RBFOX1: variants seen among roughly 807,000 people sequenced by gnomAD.
The protein encoded by RBFOX1 is RNA binding protein fox-1 homolog 1.
RBFOX1 carries 8 observed loss-of-function variants against 57.7 expected under a neutral mutation model. The observed-to-expected ratio is 0.14, with a 90% CI of 0.08 to 0.25. RBFOX1 has a LOEUF of 0.25. RBFOX1 is among the 10% of genes least tolerant of loss of function. The probability of loss-of-function intolerance (pLI) is 1.00; values close to 1 mark genes in which losing one functional copy is unlikely to be tolerated. For synonymous variants in RBFOX1, 326 were observed against 222.4 expected (o/e 1.47, Z -4.15); for missense variants, 611 against 548.5 (o/e 1.11, Z -1.14).
In RBFOX1 at chr16:6,019,792, C is replaced by G. The variant is rs186572411; in HGVS notation, c.-327C>G. 3 of 1,476,412 alleles carry G rather than the reference C, an allele frequency of 2.0e-6. No homozygotes were observed. Among genetic ancestry groups the G allele is most frequent in the Non-Finnish European group, 2.7e-6 (3 of 1,112,184 alleles). 91.5% of individuals were successfully genotyped at this position (1,476,412 alleles called of 1,614,324 possible). A position where few individuals can be genotyped will look rare whatever the true frequency, so the allele number is the denominator to read the frequency against. On this transcript the variant is annotated 5_prime_UTR_variant, in exon 1 of 16. Transcript: ENST00000550418. The surrounding 1 kb of genome is among the most constrained non-coding windows in gnomAD (Gnocchi z 4.2). Reference sequence around the variant, plus strand: ...GTGGCCGCCAGGGTCCCCGCCTGTCCGGACCCTCGCCGCGCCCAGGCAGGC... The same window carrying G: ...GTGGCCGCCAGGGTCCCCGCCTGTCGGGACCCTCGCCGCGCCCAGGCAGGC...
At chr16:5,924,945 C>T (rs561501676) in intron 4 of RBFOX1, among the ~76,000 whole-genome samples, 4 of 152,286 alleles carry the variant, frequency 2.6e-5, no homozygotes, top group South Asian at 2.1e-4. Flanking sequence ...AACCACAATA[C>T]AGTGCCCTAA....
intron 3 of RBFOX1, among the ~76,000 whole-genome samples, chr16:5,738,305 A>G (rs2052651765): frequency 6.6e-6 from 1 of 151,938 alleles, no homozygotes; most frequent in African/African-American, 2.4e-5. Context: ...TTAGGTATAT[A>G]TCAACAACGC....
rs182859898 is a variant in RBFOX1 at position 6,983,434 on chromosome 16, C to T, written c.-15-68623C>T. Among the ~76,000 whole-genome samples the T allele has an allele frequency of 8.6e-3, 1,271 of 148,562 alleles. 32 individuals carry two copies. Among genetic ancestry groups the T allele is most frequent in the African/African-American group, 0.03 (1,209 of 40,214 alleles). On this transcript the variant is annotated intron_variant, in intron 3 of 15. Transcript: ENST00000550418. ...AATTATCTATTTGCTGCTTCTGGTC[C>T]GCCGACTTGCTGGCTTTTTTTTTTT...
chr16:7,658,747 T>C lies in RBFOX1; in HGVS notation c.890+4800T>C, dbSNP rs1024841531. 3.3e-5 allele frequency among the ~76,000 whole-genome samples: 5 copies of C among 152,198 alleles called. No homozygotes were observed. In the East Asian group the frequency reaches 7.7e-4, roughly 23 times the overall value. ...AGCATCACATGAGTTATTTTTGAGA[T>C]GGAGTCTTGCTCTGTCACCCAGGCT... On this transcript the variant is annotated intron_variant, in intron 12 of 15. Transcript: ENST00000550418.
At chr16:6,580,243 C>T (rs2097517145) in intron 2 of RBFOX1, among the ~76,000 whole-genome samples, 2 of 152,184 alleles carry the variant, frequency 1.3e-5, no homozygotes, top group South Asian at 4.1e-4. Flanking sequence ...AGGCATGAGC[C>T]ACCATGCCCG....
intron 4 of RBFOX1, among the ~76,000 whole-genome samples, chr16:7,117,353 G>A (rs8046633): frequency 0.53 from 81,192 of 151,954 alleles, 22,519 homozygotes; most frequent in East Asian, 0.75. Flanking sequence ...ACCCTAAAAT[G>A]TTATGTGTTT....
At chr16:6,643,019 C>T (rs1013722368) in intron 2 of RBFOX1, among the ~76,000 whole-genome samples, 2 of 152,182 alleles carry the variant, frequency 1.3e-5, no homozygotes, top group Admixed American at 6.5e-5. Context: ...ATAGACTTTT[C>T]GGAATATTCT....
At chr16:6,898,944 T>C (rs1422361086) in intron 3 of RBFOX1, among the ~76,000 whole-genome samples, 2 of 151,902 alleles carry the variant, frequency 1.3e-5, no homozygotes, top group East Asian at 3.9e-4. Flanking sequence ...TGTGTGTATA[T>C]GTGTATAATA....
At chr16:5,532,160 G>A (rs1182320619) in intron 2 of RBFOX1, among the ~76,000 whole-genome samples, 2 of 152,146 alleles carry the variant, frequency 1.3e-5, no homozygotes, top group South Asian at 4.1e-4. Flanking sequence ...AGCGGGGGTG[G>A]TTTAGAAAAT....
rs547328676 is a variant in RBFOX1 at position 6,221,082 on chromosome 16, A to G, written c.-126-95913A>G. ...TGCCCCAACGGGTAACTTTTTCCAT[A>G]TTTAAAATTATCTCTTTAGGCCATA... is the stretch of plus-strand genomic sequence containing the variant. On this transcript the variant is annotated intron_variant, in intron 1 of 15. Coordinates refer to ENST00000550418, the MANE Select transcript of RBFOX1 (RefSeq NM_018723.4). Among the ~76,000 whole-genome samples, 91 of 152,150 alleles carry G rather than the reference A, an allele frequency of 6.0e-4. 1 individual carries two copies. The highest frequency in any genetic ancestry group is 2.1e-3 in the African/African-American group (89 of 41,520).
At chr16:7,085,711 C>T (rs1222013601) in intron 4 of RBFOX1, among the ~76,000 whole-genome samples, 2 of 152,154 alleles carry the variant, frequency 1.3e-5, no homozygotes, top group African/African-American at 4.8e-5. Context: ...CGGAGGTGAT[C>T]TCTGTCACCG....
At chr16:7,276,862 C>T (rs918312131) in intron 4 of RBFOX1, among the ~76,000 whole-genome samples, 5 of 152,132 alleles carry the variant, frequency 3.3e-5, no homozygotes, top group African/African-American at 1.2e-4. Flanking sequence ...GGGCTTCTGT[C>T]TAATTATGTG....
chr16:6,670,149 G>A (rs12445315), intron 3 of RBFOX1, among the ~76,000 whole-genome samples: 7,010 of 151,942 alleles, frequency 0.046, 267 homozygotes, highest in Middle Eastern at 0.096. Context: ...AAGTGGGCAT[G>A]TTGTACTTAC....
chr16:5,787,018 C>A (rs192052352), intron 3 of RBFOX1, among the ~76,000 whole-genome samples: 1 of 152,168 alleles, frequency 6.6e-6, no homozygotes, highest in Non-Finnish European at 1.5e-5. Context: ...TGCCTGTAAT[C>A]TCAGCTCCTT....
At chr16:6,534,822 G>C (rs534738330) in intron 2 of RBFOX1, among the ~76,000 whole-genome samples, 6 of 152,192 alleles carry the variant, frequency 3.9e-5, no homozygotes, top group African/African-American at 1.4e-4. Context: ...AAAACACCAT[G>C]GAACTGTATA....
chr16:7,280,187 C>G (rs953086992), intron 4 of RBFOX1, among the ~76,000 whole-genome samples: 4 of 152,232 alleles, frequency 2.6e-5, no homozygotes, highest in African/African-American at 9.6e-5. Flanking sequence ...TACACCTTGA[C>G]TAAATTCAGC....
At chr16:6,723,805 T>C (rs1351262084) in intron 3 of RBFOX1, 3 of 152,066 alleles carry the variant, frequency 2.0e-5, no homozygotes, top group Non-Finnish European at 4.4e-5. Flanking sequence ...GTCTTCCAGC[T>C]ACGTACTCAA....
chr16:6,120,699 C>T (rs560168681), intron 1 of RBFOX1, among the ~76,000 whole-genome samples: 2 of 152,250 alleles, frequency 1.3e-5, no homozygotes, highest in South Asian at 2.1e-4. Flanking sequence ...TTCTCAGGCT[C>T]TTTTATGTTC....
At chr16:6,604,204 A>G (rs980895475) in intron 2 of RBFOX1, among the ~76,000 whole-genome samples, 4 of 149,684 alleles carry the variant, frequency 2.7e-5, no homozygotes, top group South Asian at 2.2e-4. Context: ...CCTACTGGGG[A>G]AAAAAAAAAG....
Sources: gnomAD v4.1 joint callset for allele counts (sites outside exome capture counted in the v4.1 genomes callset) on GRCh38, gnomAD v4.1.1 for gene constraint, Gnocchi (gnomAD v3.1) non-coding constraint, MANE v1.5 for transcripts, NCBI Gene and HGNC (gene_info 2026-07-23, HGNC 2026-07-21) for gene names.